NYAP2: variants seen among roughly 807,000 people sequenced by gnomAD.
NYAP2 encodes the protein neuronal tyrosine-phosphorylated phosphoinositide-3-kinase adaptor 2.
Under a neutral mutation model 50.4 loss-of-function variants are expected in NYAP2, and 23 were observed. The ratio of observed to expected loss-of-function variants is 0.46; its 90% CI spans 0.33 to 0.65. The LOEUF (loss-of-function observed/expected upper bound fraction) is 0.65. Ranked by LOEUF, NYAP2 falls within the 30% of genes least tolerant of loss-of-function variation. NYAP2 has a pLI of 0.02. For synonymous variants in NYAP2, 394 were observed against 365.2 expected, an observed-to-expected ratio of 1.08 and a Z score of -0.90; for missense variants, 885 against 861.0, an observed-to-expected ratio of 1.03 and a Z score of -0.35.
intron 2 of NYAP2, among the ~76,000 whole-genome samples, chr2:225,404,048 C>T (rs752170393): frequency 2.6e-4 from 39 of 152,050 alleles, no homozygotes; most frequent in Admixed American, 3.3e-4. Flanking sequence ...TGGAATTAAT[C>T]GAAAGCCCTC....
intron 3 of NYAP2, among the ~76,000 whole-genome samples, chr2:225,426,872 G>A (rs769335914): frequency 3.1e-4 from 47 of 152,060 alleles, no homozygotes; most frequent in Admixed American, 3.3e-4. Flanking sequence ...GCCCTGAGCC[G>A]GTAACTAATC....
At chr2:225,687,900 A>G in the NYAP2 span, among the ~76,000 whole-genome samples, 4 of 152,160 alleles carry the variant, frequency 2.6e-5, no homozygotes, top group Non-Finnish European at 4.4e-5. Flanking sequence ...GAATTTGGGT[A>G]TCTCTCAAAA....
intron 4 of NYAP2, among the ~76,000 whole-genome samples, chr2:225,518,129 CACACACACACAT>C (rs1316229427): frequency 6.6e-6 from 1 of 151,748 alleles, no homozygotes; most frequent in African/African-American, 2.4e-5. Context: ...CACACACAAA[CACACACACACAT>C]ACACACACAT....
intron 6 of NYAP2, among the ~76,000 whole-genome samples, chr2:225,634,794 C>T (rs1473662213): frequency 1.3e-5 from 2 of 152,100 alleles, no homozygotes; most frequent in Non-Finnish European, 2.9e-5. Flanking sequence ...ATCTTCTGGT[C>T]ACTACATTAA....
chr2:225,398,627 A>AGG (rs565936124), upstream of NYAP2, among the ~76,000 whole-genome samples: 482 of 149,164 alleles, frequency 3.2e-3, 2 homozygotes, highest in African/African-American at 0.011. Flanking sequence ...CATAAGGCAG[A>AGG]GAGAGAGAGA....
intron 5 of NYAP2, among the ~76,000 whole-genome samples, chr2:225,599,053 T>C (rs561078891): frequency 6.6e-6 from 1 of 152,244 alleles, no homozygotes; most frequent in East Asian, 1.9e-4. Flanking sequence ...CCCCCACACC[T>C]CCTTCTCTCT....
intron 3 of NYAP2, among the ~76,000 whole-genome samples, chr2:225,422,561 C>T (rs954177542): frequency 6.6e-6 from 1 of 151,852 alleles, no homozygotes; most frequent in Non-Finnish European, 1.5e-5. Context: ...GAGAGATAAG[C>T]AATAGGCAAG....
chr2:225,419,915 G>A (rs1695189279), intron 3 of NYAP2, among the ~76,000 whole-genome samples: 1 of 152,072 alleles, frequency 6.6e-6, no homozygotes, highest in South Asian at 2.1e-4. Flanking sequence ...AATTTTCTAA[G>A]TTATCATTTT....
chr2:225,674,393 T>C, the NYAP2 span, among the ~76,000 whole-genome samples: 1 of 152,140 alleles, frequency 6.6e-6, no homozygotes, highest in African/African-American at 2.4e-5. Flanking sequence ...AACATCCCTT[T>C]ATCTAGAAGC....
chr2:225,516,908 A>C (rs556645325), intron 4 of NYAP2, among the ~76,000 whole-genome samples: 173 of 152,316 alleles, frequency 1.1e-3, no homozygotes, highest in African/African-American at 4.1e-3. Flanking sequence ...TAAATGCCAG[A>C]AAAATCAAAA....
chr2:225,432,946 A>G (rs183992544), intron 3 of NYAP2, among the ~76,000 whole-genome samples: 1 of 152,282 alleles, frequency 6.6e-6, no homozygotes, highest in East Asian at 1.9e-4. Flanking sequence ...CAAAAATTGT[A>G]CACTTCCCTT....
At chr2:225,549,852 G>A (rs1278013875) in intron 4 of NYAP2, among the ~76,000 whole-genome samples, 4 of 152,050 alleles carry the variant, frequency 2.6e-5, no homozygotes, top group African/African-American at 7.2e-5. Flanking sequence ...GGGTATGGTG[G>A]CGTGCACCTG....
At chr2:225,690,294 T>A in the NYAP2 span, among the ~76,000 whole-genome samples, 2 of 152,102 alleles carry the variant, frequency 1.3e-5, no homozygotes, top group Admixed American at 1.3e-4. Context: ...TCTGTGATGA[T>A]CATTTGAAAG....
intron 4 of NYAP2, among the ~76,000 whole-genome samples, chr2:225,527,927 G>T (rs1007547798): frequency 1.3e-5 from 2 of 152,198 alleles, no homozygotes; most frequent in East Asian, 3.8e-4. Flanking sequence ...GATTACAGGT[G>T]TGAGCCACTG....
chr2:225,651,630 T>C (rs11884382), exon 7 of NYAP2: 277,510 of 1,582,472 alleles, frequency 0.18, 26,779 homozygotes, highest in African/African-American at 0.3. Context: ...TAGACAACTT[T>C]CGCATTTGCT....
At chr2:225,643,269 CA>C (rs1693563820) in intron 6 of NYAP2, among the ~76,000 whole-genome samples, 1 of 151,996 alleles carries the variant, frequency 6.6e-6, no homozygotes, top group East Asian at 1.9e-4. Flanking sequence ...TCCAGGAAAG[CA>C]TTTCCTAACT....
chr2:225,692,593 T>C, the NYAP2 span, among the ~76,000 whole-genome samples: 2 of 151,826 alleles, frequency 1.3e-5, no homozygotes, highest in Non-Finnish European at 2.9e-5. Flanking sequence ...TATATATATA[T>C]ACACACACAC....
upstream of NYAP2, among the ~76,000 whole-genome samples, chr2:225,398,890 T>C (rs1694812695): frequency 6.6e-6 from 1 of 152,060 alleles, no homozygotes; most frequent in African/African-American, 2.4e-5. Flanking sequence ...ATGTGTTGAT[T>C]TTATTTTTCC....
intron 3 of NYAP2, among the ~76,000 whole-genome samples, chr2:225,413,051 T>C (rs909902756): frequency 6.6e-6 from 1 of 152,158 alleles, no homozygotes; most frequent in Non-Finnish European, 1.5e-5. Flanking sequence ...ATTTGAAAAA[T>C]GTAGTATGTG....
Sources: gnomAD v4.1 joint callset for allele counts (sites outside exome capture counted in the v4.1 genomes callset) on GRCh38, gnomAD v4.1.1 for gene constraint, MANE v1.5 for transcripts, NCBI Gene and HGNC (gene_info 2026-07-23, HGNC 2026-07-21) for gene names.